The following PTPRD variants were observed in gnomAD, a reference collection of about 807,000 sequenced individuals.
The protein encoded by PTPRD is protein tyrosine phosphatase receptor type D, also known as receptor-type tyrosine-protein phosphatase delta.
In PTPRD, 34 loss-of-function variants were observed where a neutral mutation model predicts 214.5. The observed-to-expected ratio is 0.16, with a 90% CI of 0.12 to 0.21. PTPRD has a LOEUF of 0.21. Among genes scored for constraint, PTPRD ranks in the 10% least tolerant of loss-of-function variants. The pLI is 1.00. For synonymous variants in PTPRD, 1,128 were observed against 845.7 expected, an observed-to-expected ratio of 1.33 and a Z score of -5.79; for missense variants, 2,545 against 2,398.7, an observed-to-expected ratio of 1.06 and a Z score of -1.27.
intron 14 of PTPRD, among the ~76,000 whole-genome samples, chr9:8,547,620 G>A (rs2080612289): frequency 1.3e-5 from 2 of 148,196 alleles, no homozygotes; most frequent in African/African-American, 2.5e-5. Flanking sequence ...TCCAGCCTGC[G>A]TGATGAGGTG....
At chr9:8,675,108 C>A (rs2097373737) in intron 12 of PTPRD, among the ~76,000 whole-genome samples, 2 of 152,068 alleles carry the variant, frequency 1.3e-5, no homozygotes, top group Admixed American at 6.6e-5. Context: ...GTGGATGTCG[C>A]ATACACTTGG....
At chr9:9,904,675 A>G (rs2077143333) in intron 5 of PTPRD, among the ~76,000 whole-genome samples, 3 of 152,090 alleles carry the variant, frequency 2.0e-5, no homozygotes, top group African/African-American at 7.2e-5. Context: ...AAGGTGAACC[A>G]TTAGATAAAC....
chr9:8,581,689 G>A (rs1013595306), intron 14 of PTPRD, among the ~76,000 whole-genome samples: 1 of 151,916 alleles, frequency 6.6e-6, no homozygotes, highest in Non-Finnish European at 1.5e-5. Context: ...AAAGCTTGCA[G>A]TGAGCCGAGA....
At chr9:9,873,322 C>G (rs1404478331) in intron 5 of PTPRD, among the ~76,000 whole-genome samples, 1 of 152,124 alleles carries the variant, frequency 6.6e-6, no homozygotes, top group East Asian at 1.9e-4. Context: ...ACCTGCACCT[C>G]TCCTTCCTAT....
chr9:8,850,884 C>T (rs2097795384), intron 11 of PTPRD, among the ~76,000 whole-genome samples: 1 of 152,070 alleles, frequency 6.6e-6, no homozygotes, highest in African/African-American at 2.4e-5. Context: ...ATGGGATGGG[C>T]CAGGAGGAAG....
At chr9:10,174,057 G>A (rs2154299967) in intron 3 of PTPRD, among the ~76,000 whole-genome samples, 1 of 152,224 alleles carries the variant, frequency 6.6e-6, no homozygotes, top group South Asian at 2.1e-4. Context: ...ATGAGCTTTT[G>A]TTTGGCATCA....
chr9:10,070,366 G>A (rs942660459), intron 3 of PTPRD, among the ~76,000 whole-genome samples: 3 of 151,964 alleles, frequency 2.0e-5, no homozygotes, highest in Non-Finnish European at 4.4e-5. Flanking sequence ...ACCTTTGTAT[G>A]TACCTCTTGT....
intron 5 of PTPRD, among the ~76,000 whole-genome samples, chr9:9,901,136 G>A (rs964263565): frequency 9.9e-5 from 15 of 152,048 alleles, no homozygotes; most frequent in African/African-American, 2.9e-4. Context: ...TGTATAACAC[G>A]GCGAGACTGG....
intron 9 of PTPRD, among the ~76,000 whole-genome samples, chr9:9,277,654 G>A (rs1240063287): frequency 1.3e-5 from 2 of 151,166 alleles, no homozygotes; most frequent in Non-Finnish European, 3.0e-5. Flanking sequence ...AAAATGATGG[G>A]TAGTAATGAA....
intron 11 of PTPRD, among the ~76,000 whole-genome samples, chr9:8,934,448 AATTT>A (rs1344082478): frequency 0.013 from 187 of 14,610 alleles, 4 homozygotes; most frequent in African/African-American, 0.046. Flanking sequence ...TATATATATA[AATTT>A]ATATATATAT....
rs955099743 is a variant in PTPRD, at chr9:9,274,808, G to A, written c.-202-91445C>T. Among the ~76,000 whole-genome samples, 16 of 149,628 alleles carry A rather than the reference G, an allele frequency of 1.1e-4. No individual in the cohort carries two copies. The Admixed American group carries it at 1.1e-3, about 10-fold the overall frequency. On this transcript the variant is annotated intron_variant, in intron 9 of 45. Transcript: ENST00000381196. ...AGCTATTATTTTTATTATTAAACCA[G>A]CATCTCTCAGTCCACAGAACACTAG...
At chr9:9,438,838 T>A (rs2086353303) in intron 8 of PTPRD, among the ~76,000 whole-genome samples, 1 of 152,174 alleles carries the variant, frequency 6.6e-6, no homozygotes, top group Non-Finnish European at 1.5e-5. Flanking sequence ...TATTCTAAAT[T>A]GAACATAAAT....
chr9:8,485,199 A>G (rs2135853397), intron 29 of PTPRD, 28 bp downstream of exon 29: 2 of 1,589,556 alleles, frequency 1.3e-6, no homozygotes, highest in African/African-American at 1.3e-5. Context: ...TTTATCTGTG[A>G]TTTCTTACAA....
chr9:9,351,834 C>G (rs1200759295), intron 9 of PTPRD, among the ~76,000 whole-genome samples: 2 of 152,036 alleles, frequency 1.3e-5, no homozygotes, highest in Non-Finnish European at 2.9e-5. Flanking sequence ...TGTTTAAACT[C>G]TCTGTGCCTC....
At chr9:9,099,970 T>C (rs2099789069) in intron 10 of PTPRD, among the ~76,000 whole-genome samples, 1 of 152,182 alleles carries the variant, frequency 6.6e-6, no homozygotes, top group African/African-American at 2.4e-5. Context: ...GTGACGTTAA[T>C]ATGCAATGGT....
chr9:9,067,118 CTG>C, intron 10 of PTPRD, among the ~76,000 whole-genome samples: 1 of 152,260 alleles, frequency 6.6e-6, no homozygotes, highest in East Asian at 1.9e-4. Context: ...TGGCACATGA[CTG>C]TAATTCTGGT....
chr9:9,469,585 A>G (rs1055961678), intron 8 of PTPRD, among the ~76,000 whole-genome samples: 2 of 152,230 alleles, frequency 1.3e-5, no homozygotes, highest in Non-Finnish European at 2.9e-5. Context: ...CTGATGACAG[A>G]TGAAAAGGCC....
Position 10,092,426 on chromosome 9 carries a change from T to G in PTPRD, c.-544-58636A>C, listed in dbSNP as rs143465540. Among the ~76,000 whole-genome samples, 46 of 151,526 alleles carry G rather than the reference T, an allele frequency of 3.0e-4. 1 individual carries two copies. The highest frequency in any genetic ancestry group is 1.0e-3 in the African/African-American group (43 of 41,438). ...CACTCCTCTAAAAGCATCACTGATG[T>G]GATATTTCTGCTGAGAAAATTTGGA... On this transcript the variant is annotated intron_variant, in intron 3 of 45. Transcript: ENST00000381196.
At chr9:10,029,542 G>A (rs2097011415) in intron 4 of PTPRD, among the ~76,000 whole-genome samples, 2 of 152,298 alleles carry the variant, frequency 1.3e-5, no homozygotes, top group South Asian at 4.1e-4. Context: ...GATCATTTTG[G>A]AGCTTTAAGA....
Sources: allele counts gnomAD v4.1 joint callset (sites outside exome capture counted in the v4.1 genomes callset), GRCh38; gene constraint gnomAD v4.1.1; transcripts MANE v1.5; gene names NCBI Gene and HGNC (gene_info 2026-07-23, HGNC 2026-07-21).